The following PROS1 variants were observed in gnomAD, a reference collection of about 807,000 sequenced individuals.
The protein encoded by PROS1 is protein S, also known as vitamin K-dependent protein S.
Under a neutral mutation model 75.9 loss-of-function variants are expected in PROS1, and 29 were observed. That is an observed-to-expected ratio of 0.38 (90% CI 0.28 to 0.52). The LOEUF (loss-of-function observed/expected upper bound fraction) is 0.52, where lower values mean the gene tolerates loss of function less well. Ranked by LOEUF, PROS1 falls within the 20% of genes least tolerant of loss-of-function variation. PROS1 has a pLI of 0.83. For synonymous variants in PROS1, 245 were observed against 280.6 expected, an observed-to-expected ratio of 0.87 and a Z score of 1.27; for missense variants, 680 against 810.3, an observed-to-expected ratio of 0.84 and a Z score of 1.95.
chr3:93,973,773 C>T lies in PROS1; in HGVS notation c.-24G>A, dbSNP rs1483471472. 4 of 1,602,244 alleles carry T rather than the reference C, an allele frequency of 2.5e-6. No homozygotes were observed. Among genetic ancestry groups the T allele is most frequent in the Non-Finnish European group, 3.4e-6 (4 of 1,174,084 alleles). On this transcript the variant is annotated 5_prime_UTR_variant, in exon 1 of 15. Transcript: ENST00000394236. The stretch of plus-strand genomic sequence containing the variant: ...ATTTCGAAGCGCGCGGAGGCGCCGG[C>T]AGGGACGGTGGCGCGTCGCGGCGGG...
At chr3:93,890,277 C>T (rs1275160304) in intron 10 of PROS1, among the ~76,000 whole-genome samples, 3 of 152,182 alleles carry the variant, frequency 2.0e-5, no homozygotes, top group Non-Finnish European at 4.4e-5. Context: ...CAAGACAATA[C>T]GTGCACCGCT....
At chr3:93,939,388 C>T (rs1256613937) in intron 1 of PROS1, among the ~76,000 whole-genome samples, 1 of 152,080 alleles carries the variant, frequency 6.6e-6, no homozygotes, top group Non-Finnish European at 1.5e-5. Context: ...TTCAATCTTC[C>T]TTTTCTACCA....
At position 93,933,044 on chromosome 3, in the gene PROS1, T is replaced by G. The variant is rs577468615; in HGVS notation, c.77-5637A>C. Reference sequence around the variant, plus strand: ...CTTTCCATCTCTCTTTTCCCTAGGCTCTTCTTATTTGGCATCTCATAAATG... The same window carrying G: ...CTTTCCATCTCTCTTTTCCCTAGGCGCTTCTTATTTGGCATCTCATAAATG... On this transcript the variant is annotated intron_variant, in intron 1 of 14. Transcript: ENST00000394236. Among the ~76,000 whole-genome samples the G allele has an allele frequency of 3.3e-5, 5 of 152,332 alleles. No individual in the cohort carries two copies. In the East Asian group the frequency reaches 7.7e-4, roughly 23 times the overall value.
intron 1 of PROS1, among the ~76,000 whole-genome samples, chr3:93,958,264 CTT>C (rs977932487): frequency 6.6e-6 from 1 of 152,016 alleles, no homozygotes; most frequent in African/African-American, 2.4e-5. Flanking sequence ...AGGGTCAAGA[CTT>C]TTTTTCATCG....
At chr3:93,954,114 T>C (rs1187715499) in intron 1 of PROS1, among the ~76,000 whole-genome samples, 1 of 152,086 alleles carries the variant, frequency 6.6e-6, no homozygotes, top group Non-Finnish European at 1.5e-5. Flanking sequence ...TGCTCATGGG[T>C]AGGAAGAATC....
chr3:93,950,583 G>A (rs897030082), intron 1 of PROS1, among the ~76,000 whole-genome samples: 1 of 152,206 alleles, frequency 6.6e-6, no homozygotes, highest in African/African-American at 2.4e-5. Flanking sequence ...GCCTGGAGTG[G>A]ACATCCATCA....
At chr3:93,920,823 T>C (rs1708935754) in intron 3 of PROS1, among the ~76,000 whole-genome samples, 1 of 152,124 alleles carries the variant, frequency 6.6e-6, no homozygotes, top group Non-Finnish European at 1.5e-5. Context: ...TCCTTTCTCA[T>C]GCTAATTTGC....
chr3:93,922,711 G>C (rs1400371990), intron 3 of PROS1, among the ~76,000 whole-genome samples: 2 of 152,030 alleles, frequency 1.3e-5, no homozygotes, highest in South Asian at 2.1e-4. Flanking sequence ...TTTCAAATTA[G>C]AGCCATTGGC....
intron 3 of PROS1, among the ~76,000 whole-genome samples, chr3:93,913,372 C>T (rs1576191170): frequency 1.3e-5 from 2 of 152,186 alleles, no homozygotes; most frequent in South Asian, 4.1e-4. Context: ...GTGAGTAAAT[C>T]TCACAAGATC....
intron 6 of PROS1, among the ~76,000 whole-genome samples, chr3:93,901,796 T>C (rs1342021544): frequency 5.3e-5 from 8 of 152,184 alleles, no homozygotes; most frequent in Non-Finnish European, 1.0e-4. Flanking sequence ...ATGTCTTGAG[T>C]GTGAAATTGT....
intron 14 of PROS1, among the ~76,000 whole-genome samples, chr3:93,875,630 CTAT>C (rs1708171492): frequency 2.7e-5 from 1 of 37,656 alleles, no homozygotes; most frequent in Non-Finnish European, 5.5e-5. Flanking sequence ...TTACCTCTAT[CTAT>C]CTATCTATCT....
In PROS1 at chr3:93,935,741, G is replaced by A. The variant is rs148818670; in HGVS notation, c.77-8334C>T. Among the ~76,000 whole-genome samples, 26 of 152,168 alleles carry A rather than the reference G, an allele frequency of 1.7e-4. No homozygotes were observed. In the East Asian group the frequency reaches 4.6e-3, roughly 27 times the overall value. On this transcript the variant is annotated intron_variant, in intron 1 of 14. Transcript: ENST00000394236. ...TTGGAATATTGGTATATCGTCAAGTGAGTCTTTCTAATTCAATGGTTTCTA... is the reference window on the plus strand; with the variant it reads ...TTGGAATATTGGTATATCGTCAAGTAAGTCTTTCTAATTCAATGGTTTCTA...
intron 1 of PROS1, among the ~76,000 whole-genome samples, chr3:93,944,271 C>A (rs1709342611): frequency 6.6e-6 from 1 of 151,976 alleles, no homozygotes. Flanking sequence ...TATGAAAACA[C>A]AACGAAAAAA....
chr3:93,956,577 C>CACAT (rs1709607529), intron 1 of PROS1, among the ~76,000 whole-genome samples: 1 of 132,772 alleles, frequency 7.5e-6, no homozygotes, highest in African/African-American at 2.6e-5. Context: ...CACACACACA[C>CACAT]ACACACACAC....
At chr3:93,948,062 T>C (rs1435783009) in intron 1 of PROS1, among the ~76,000 whole-genome samples, 3 of 152,134 alleles carry the variant, frequency 2.0e-5, no homozygotes, top group Non-Finnish European at 2.9e-5. Context: ...AAAGAACCCA[T>C]GCCAACTACC....
rs537909217 is a variant in PROS1, at chr3:93,903,955, T to A, written c.601+1829A>T. Reference sequence around the variant, plus strand: ...GCATTAGGTATATCTCCCAATGCTATCCCTTCCCCCTCCCCCCACCCTACA... The same window carrying A: ...GCATTAGGTATATCTCCCAATGCTAACCCTTCCCCCTCCCCCCACCCTACA... On this transcript the variant is annotated intron_variant, in intron 6 of 14. Coordinates refer to ENST00000394236, the MANE Select transcript of PROS1 (RefSeq NM_000313.4). Among the ~76,000 whole-genome samples, 35 of 146,494 alleles carry A rather than the reference T, an allele frequency of 2.4e-4. No individual in the cohort carries two copies. In the South Asian group the frequency reaches 7.8e-3, roughly 33 times the overall value.
At chr3:93,944,436 A>T (rs1306241154) in intron 1 of PROS1, among the ~76,000 whole-genome samples, 2 of 152,216 alleles carry the variant, frequency 1.3e-5, no homozygotes, top group Non-Finnish European at 2.9e-5. Context: ...CTAAAAGAAC[A>T]GAAATTATAA....
intron 10 of PROS1, among the ~76,000 whole-genome samples, chr3:93,889,919 A>G (rs1438926102): frequency 5.3e-5 from 8 of 152,104 alleles, no homozygotes; most frequent in African/African-American, 1.9e-4. Flanking sequence ...AGACAACCAT[A>G]AGGTCTGACT....
intron 3 of PROS1, among the ~76,000 whole-genome samples, chr3:93,915,495 G>GCAGC (rs1300520790): frequency 1.3e-5 from 2 of 152,072 alleles, no homozygotes; most frequent in Non-Finnish European, 1.5e-5. Context: ...ATAAATTAAT[G>GCAGC]CAGCCACACA....
Sources: gnomAD v4.1 joint callset for allele counts (sites outside exome capture counted in the v4.1 genomes callset) on GRCh38, gnomAD v4.1.1 for gene constraint, MANE v1.5 for transcripts, NCBI Gene and HGNC (gene_info 2026-07-23, HGNC 2026-07-21) for gene names.